The following PTDSS2 variants were observed in gnomAD, a reference collection of about 807,000 sequenced individuals.
The protein encoded by PTDSS2 is PSS-2.
PTDSS2 carries 41 observed loss-of-function variants against 64.7 expected under a neutral mutation model. The observed-to-expected ratio is 0.63, with a 90% confidence interval of 0.49 to 0.82. The LOEUF is 0.82. PTDSS2 is among the 40% of genes least tolerant of loss of function. The pLI, the probability that PTDSS2 is intolerant of heterozygous loss-of-function variation, is 0.00. For synonymous variants in PTDSS2, 297 were observed against 277.8 expected, an observed-to-expected ratio of 1.07 and a Z score of -0.69; for missense variants, 485 against 650.0, an observed-to-expected ratio of 0.75 and a Z score of 2.76.
chr11:457,314 G>C (rs916577906), intron 1 of PTDSS2, among the ~76,000 whole-genome samples: 1 of 152,246 alleles, frequency 6.6e-6, no homozygotes, highest in African/African-American at 2.4e-5. Flanking sequence ...CGGAAGGCCC[G>C]TGTCTCCGCT....
rs890879428 is a variant in PTDSS2, at chr11:491,097, G to T, written c.*515G>T. The stretch of plus-strand genomic sequence containing the variant: ...CTGAGGCCTGGAGGCGTCTACACTG[G>T]CTCCACATCCACTTCCCCCGCAGCT... On this transcript the variant is annotated 3_prime_UTR_variant, in exon 12 of 12. Transcript: ENST00000308020. 1.3e-5 allele frequency: 2 copies of T among 156,870 alleles called. No homozygotes were observed. Among genetic ancestry groups the T allele is most frequent in the Non-Finnish European group, 1.4e-5 (1 of 70,824 alleles). The allele number at this position is 156,870 out of a possible 1,614,324, so 9.7% of individuals were successfully genotyped here. A position where few individuals can be genotyped will look rare whatever the true frequency, so the allele number is the denominator to read the frequency against.
chr11:471,692 G>A (rs1170336641), intron 2 of PTDSS2, among the ~76,000 whole-genome samples: 2 of 146,852 alleles, frequency 1.4e-5, no homozygotes, highest in Non-Finnish European at 1.5e-5. Flanking sequence ...ACGCGCGCCT[G>A]TCGGGCGGAT....
At chr11:489,549 CG>C in intron 9 of PTDSS2, 35 bp downstream of exon 9, 1 of 1,608,538 alleles carries the variant, frequency 6.2e-7, no homozygotes. Context: ...GCGCGGCGGG[CG>C]GGGGGCCAGA....
Position 479,950 on chromosome 11 carries a change from C to CTTTTCTGAGGCAGTGTACA in PTDSS2, c.435+801_435+819dup, listed in dbSNP as rs1317032669. On this transcript the variant is annotated intron_variant, in intron 4 of 11. Coordinates refer to ENST00000308020, the MANE Select transcript of PTDSS2 (RefSeq NM_030783.3). This position sits in a 1 kb window ranked among gnomAD's most constrained non-coding sequence, Gnocchi z 4.2. ...TTTTTTATCATCGTGGCAAAATTGA[C>CTTTTCTGAGGCAGTGTACA]TTTTCTGAGGCAGTGTACATTCTGT... 6.6e-6 allele frequency among the ~76,000 whole-genome samples: 1 copy of CTTTTCTGAGGCAGTGTACA among 152,176 alleles called. No homozygotes were observed. Among genetic ancestry groups the CTTTTCTGAGGCAGTGTACA allele is most frequent in the Non-Finnish European group, 1.5e-5 (1 of 68,036 alleles).
At position 489,753 on chromosome 11, in the gene PTDSS2, G is replaced by A. The variant is rs376801549; in HGVS notation, c.1115+20G>A. On this transcript the variant is annotated intron_variant, in intron 10 of 11. Transcript: ENST00000308020. ...TGACCCGTGAGGGCTGCGGCAGTCC[G>A]GGTGGAGACACCCCCGGGGGGCAGG... 20 of 1,603,326 alleles carry A rather than the reference G, an allele frequency of 1.2e-5. No homozygotes were observed. Among genetic ancestry groups the A allele is most frequent in the African/African-American group, 4.0e-5 (3 of 74,794 alleles).
At position 470,184 on chromosome 11, in the gene PTDSS2, C is replaced by CTT. The variant is rs1847356578; in HGVS notation, c.285-3711_285-3710insTT. On this transcript the variant is annotated intron_variant, in intron 2 of 11. Coordinates refer to ENST00000308020, the MANE Select transcript of PTDSS2 (RefSeq NM_030783.3). The surrounding 1 kb of genome is among the most constrained non-coding windows in gnomAD (Gnocchi z 5.3). ...AGAGGGCAGTGGGAGGAGGACGCTGCAGCCGAGGTGCCCGCAGACACCCCC... is the reference window on the plus strand; with the variant it reads ...AGAGGGCAGTGGGAGGAGGACGCTGCTTAGCCGAGGTGCCCGCAGACACCCCC... Among the ~76,000 whole-genome samples, 1 of 152,224 alleles carries CTT rather than the reference C, an allele frequency of 6.6e-6. No homozygotes were observed.
chr11:456,729 G>A (rs2133758915), intron 1 of PTDSS2, among the ~76,000 whole-genome samples: 1 of 152,262 alleles, frequency 6.6e-6, no homozygotes, highest in East Asian at 1.9e-4. Context: ...TTAGGAATGG[G>A]GGCCTAAGAG....
In PTDSS2 at chr11:490,083, G is replaced by A; in HGVS notation, c.1301+15G>A. ...TTCTTCCTGCGGTGAGTCAGGGCAG[G>A]GCGCGTATGTTCTGAAGGAGGGCCG... is the stretch of plus-strand genomic sequence containing the variant. On this transcript the variant is annotated intron_variant, in intron 11 of 11. Coordinates refer to ENST00000308020, the MANE Select transcript of PTDSS2 (RefSeq NM_030783.3). The A allele has an allele frequency of 2.5e-6, 4 of 1,595,290 alleles. No homozygotes were observed. Among genetic ancestry groups the A allele is most frequent in the Non-Finnish European group, 3.4e-6 (4 of 1,173,554 alleles).
At chr11:489,257 A>G in intron 8 of PTDSS2, 143 bp from the exon 9 acceptor site, 1 of 668,260 alleles carries the variant, frequency 1.5e-6, no homozygotes, top group Non-Finnish European at 2.6e-6. Context: ...CCGATGGCAC[A>G]GGGCGGGGCG....
chr11:475,924 G>A (rs1308613060), intron 3 of PTDSS2, among the ~76,000 whole-genome samples: 3 of 152,220 alleles, frequency 2.0e-5, no homozygotes, highest in African/African-American at 7.2e-5. Flanking sequence ...TTAATAAAAT[G>A]TCCCAGAAGT....
chr11:464,588 C>T (rs573878487), intron 2 of PTDSS2, among the ~76,000 whole-genome samples: 22 of 152,360 alleles, frequency 1.4e-4, no homozygotes, highest in Non-Finnish European at 1.8e-4. Context: ...GTTGCTCCTC[C>T]GGCCTGGCCT....
chr11:478,343 C>T (rs1463550596), intron 3 of PTDSS2, among the ~76,000 whole-genome samples: 1 of 151,726 alleles, frequency 6.6e-6, no homozygotes, highest in African/African-American at 2.4e-5. Flanking sequence ...CCTGTGGTCC[C>T]AGCTACTCAG....
intron 10 of PTDSS2, 28 bp from the exon 11 acceptor site, chr11:489,855 G>T: frequency 6.4e-7 from 1 of 1,556,758 alleles, no homozygotes; most frequent in Non-Finnish European, 8.7e-7. Context: ...CGGGGCCCGG[G>T]ACGCTGAACC....
chr11:466,021 A>G (rs1847123986), intron 2 of PTDSS2, among the ~76,000 whole-genome samples: 1 of 152,210 alleles, frequency 6.6e-6, no homozygotes, highest in Admixed American at 6.5e-5. Flanking sequence ...TGTTTACAAA[A>G]CACCTATCTG....
At chr11:449,135 T>A (rs1437425078), upstream of PTDSS2, among the ~76,000 whole-genome samples, 3 of 148,314 alleles carry the variant, frequency 2.0e-5, no homozygotes, top group Non-Finnish European at 4.4e-5. Flanking sequence ...TGGCACAATC[T>A]CGGCTCACTG....
rs1260592324 is a variant in PTDSS2 at position 460,608 on chromosome 11, C to T, written c.284+320C>T. 1 of 285,220 alleles carries T rather than the reference C, an allele frequency of 3.5e-6. No individual in the cohort carries two copies. Among genetic ancestry groups the T allele is most frequent in the Non-Finnish European group, 6.8e-6 (1 of 147,164 alleles). The allele number at this position is 285,220 out of a possible 1,614,324, so 17.7% of individuals were successfully genotyped here. On this transcript the variant is annotated intron_variant, in intron 2 of 11. Transcript: ENST00000308020. The surrounding 1 kb of genome is among the most constrained non-coding windows in gnomAD (Gnocchi z 5.8). ...GGAACGAGCTGCAGCAGCTACAGGGCTGAGCCCTTGAGTTTGGGCGTCTCC... is the reference window on the plus strand; with the variant it reads ...GGAACGAGCTGCAGCAGCTACAGGGTTGAGCCCTTGAGTTTGGGCGTCTCC...
intron 11 of PTDSS2, 145 bp downstream of exon 11, chr11:490,213 G>A: frequency 8.6e-7 from 1 of 1,163,674 alleles, no homozygotes; most frequent in Non-Finnish European, 1.2e-6. Context: ...CGCCTTTCCT[G>A]ACCCAGCCCT....
intron 3 of PTDSS2, among the ~76,000 whole-genome samples, chr11:474,650 C>T (rs1019247418): frequency 3.3e-5 from 5 of 152,222 alleles, no homozygotes; most frequent in Non-Finnish European, 7.3e-5. Context: ...CAAGTCCCAC[C>T]CCAGGAAGGC....
rs1057272785 is a variant in PTDSS2 at position 479,102 on chromosome 11, C to T, written c.385C>T (p.Leu129Phe). The change falls in exon 4 of 12, where the codon CTC (leucine) becomes TTC (phenylalanine). Residue 129 changes from leucine to phenylalanine, a missense_variant. Physicochemically the swap from Leu to Phe is conservative, Grantham distance 22 (BLOSUM62 0). This residue lies in a region of PTDSS2 where 251 missense variants were observed against 348.0 expected (regional missense o/e 0.72). Transcript: ENST00000308020. The surrounding 1 kb of genome is among the most constrained non-coding windows in gnomAD (Gnocchi z 4.2). ...RPHPAYWRFW[L>F]CVSVVYELFL... The stretch of plus-strand genomic sequence containing the variant: ...CTTTGTAGCTTACTGGAGGTTTTGG[C>T]TCTGCGTGAGTGTGGTCTACGAGCT... 6 of 1,614,032 alleles carry T rather than the reference C, an allele frequency of 3.7e-6. 1 individual carries two copies. The Admixed American group carries it at 8.3e-5, about 22-fold the overall frequency.
Sources: gnomAD v4.1 joint callset for allele counts (sites outside exome capture counted in the v4.1 genomes callset) on GRCh38, gnomAD v4.1.1 for gene constraint, gnomAD v4.1.1 regional missense constraint, Gnocchi (gnomAD v3.1) non-coding constraint, MANE v1.5 for transcripts, NCBI Gene and HGNC (gene_info 2026-07-23, HGNC 2026-07-21) for gene names.